Variants in ANXA8 observed in about 807,000 individuals in gnomAD.
The protein encoded by ANXA8 is annexin A8.
ANXA8 carries 9 observed loss-of-function variants against 26.8 expected under a neutral mutation model. That is an observed-to-expected ratio of 0.34 (90% CI 0.20 to 0.59). The LOEUF is 0.59. ANXA8 is among the 20% of genes least tolerant of loss of function. ANXA8 has a pLI of 0.84. For missense variants in ANXA8, 83 were observed against 238.5 expected, an observed-to-expected ratio of 0.35 and a Z score of 4.29; for synonymous variants, 39 against 94.8, an observed-to-expected ratio of 0.41 and a Z score of 3.42.
chr10:47,722,731 G>A, the ANXA8 span, among the ~76,000 whole-genome samples: 1 of 141,988 alleles, frequency 7.0e-6, no homozygotes, highest in Non-Finnish European at 1.6e-5. Flanking sequence ...GAAGTCATGT[G>A]GCATCACTTC....
the ANXA8 span, among the ~76,000 whole-genome samples, chr10:47,778,781 T>A: frequency 1.3e-5 from 2 of 151,912 alleles, no homozygotes; most frequent in East Asian, 3.8e-4. Flanking sequence ...GGGCAAGCAC[T>A]GTACAGCATA....
At chr10:47,948,757 G>A in the ANXA8 span, among the ~76,000 whole-genome samples, 2 of 150,948 alleles carry the variant, frequency 1.3e-5, no homozygotes, top group African/African-American at 4.9e-5. Flanking sequence ...ACCCATCCAT[G>A]ATGCTCAATA....
chr10:47,655,368 CCTT>C, the ANXA8 span, among the ~76,000 whole-genome samples: 1 of 151,286 alleles, frequency 6.6e-6, no homozygotes, highest in Non-Finnish European at 1.5e-5. Flanking sequence ...ATGATTTCCT[CCTT>C]CTCTCAGGGC....
At chr10:47,575,198 C>CAAAAAAA in the ANXA8 span, among the ~76,000 whole-genome samples, 13 of 107,278 alleles carry the variant, frequency 1.2e-4, no homozygotes, top group East Asian at 3.1e-4. Context: ...GAGTGAAACT[C>CAAAAAAA]AAAAAAAAAA....
chr10:47,722,918 C>T, the ANXA8 span, among the ~76,000 whole-genome samples: 328 of 141,202 alleles, frequency 2.3e-3, 12 homozygotes, highest in African/African-American at 8.0e-3. Context: ...TGAGAATGGT[C>T]GGAAAATAGT....
At chr10:47,768,056 G>C in the ANXA8 span, among the ~76,000 whole-genome samples, 6 of 149,928 alleles carry the variant, frequency 4.0e-5, no homozygotes, top group African/African-American at 1.5e-4. Context: ...TGACCACCAA[G>C]GCTGCCCCTC....
the ANXA8 span, among the ~76,000 whole-genome samples, chr10:47,743,265 C>T: frequency 0.21 from 18,022 of 83,834 alleles, 2,493 homozygotes; most frequent in East Asian, 0.54. Flanking sequence ...TATATATATA[C>T]ATATATATAT....
the ANXA8 span, among the ~76,000 whole-genome samples, chr10:47,633,237 AG>A: frequency 2.2e-5 from 3 of 134,146 alleles, no homozygotes; most frequent in Non-Finnish European, 4.7e-5. Context: ...CCAAACCATA[AG>A]GTGCTAATTC....
intron 6 of ANXA8, 127 bp downstream of exon 6, chr10:47,475,366 G>A: frequency 6.9e-6 from 11 of 1,604,922 alleles, no homozygotes; most frequent in African/African-American, 2.7e-5. Context: ...CACCCAATGA[G>A]CCCTGGCTGC....
the ANXA8 span, among the ~76,000 whole-genome samples, chr10:47,683,223 A>ATTTTTTTT: frequency 3.6e-5 from 4 of 110,626 alleles, no homozygotes; most frequent in Non-Finnish European, 3.6e-5. Flanking sequence ...GCATTTACTA[A>ATTTTTTTT]TTTTTTTTTT....
At chr10:47,604,227 A>G in the ANXA8 span, among the ~76,000 whole-genome samples, 1 of 152,236 alleles carries the variant, frequency 6.6e-6, no homozygotes, top group East Asian at 1.9e-4. Flanking sequence ...AGAGTATACC[A>G]TTCTTTTAAG....
chr10:47,477,312 G>C, intron 3 of ANXA8, 118 bp from the exon 4 acceptor site: 1 of 1,523,936 alleles, frequency 6.6e-7, no homozygotes, highest in South Asian at 1.1e-5. Context: ...GCCTTGCCAC[G>C]TGCTGGCTGG....
chr10:47,932,732 GTCTCTCTCTC>G, the ANXA8 span, among the ~76,000 whole-genome samples: 8 of 86,422 alleles, frequency 9.3e-5, 2 homozygotes, highest in African/African-American at 3.7e-4. Context: ...CTGTCTTTCT[GTCTCTCTCTC>G]TCTCTCTCTC....
the ANXA8 span, among the ~76,000 whole-genome samples, chr10:47,743,405 TGAGAGA>T: frequency 6.0e-5 from 5 of 83,532 alleles, no homozygotes; most frequent in Non-Finnish European, 8.9e-5. Context: ...TGTGTGTGTG[TGAGAGA>T]GAGAGAGAGA....
At chr10:47,946,730 T>G in the ANXA8 span, among the ~76,000 whole-genome samples, 2 of 151,310 alleles carry the variant, frequency 1.3e-5, no homozygotes, top group Non-Finnish European at 2.9e-5. Flanking sequence ...TCTCCCTTTT[T>G]CACCTAGGCT....
chr10:47,733,189 C>CTT, the ANXA8 span, among the ~76,000 whole-genome samples: 5 of 115,824 alleles, frequency 4.3e-5, no homozygotes, highest in Non-Finnish European at 6.0e-5. Flanking sequence ...TTCTTTCTTT[C>CTT]TTTCTTTCTT....
the ANXA8 span, among the ~76,000 whole-genome samples, chr10:47,714,410 T>C: frequency 1.5e-5 from 2 of 135,712 alleles, no homozygotes; most frequent in Non-Finnish European, 3.1e-5. Flanking sequence ...TGGCCTGAAG[T>C]GAGAAACTAA....
At chr10:47,549,316 C>G in the ANXA8 span, 1 of 1,473,734 alleles carries the variant, frequency 6.8e-7, no homozygotes, top group African/African-American at 1.4e-5. Flanking sequence ...AGATCTGCTA[C>G]TTTAGCCAGA....
At chr10:47,560,187 C>A in the ANXA8 span, among the ~76,000 whole-genome samples, 1 of 151,714 alleles carries the variant, frequency 6.6e-6, no homozygotes, top group African/African-American at 2.4e-5. Flanking sequence ...ATTAGGCTTG[C>A]CATTTGAATG....
Sources: allele counts gnomAD v4.1 joint callset (sites outside exome capture counted in the v4.1 genomes callset), GRCh38; gene constraint gnomAD v4.1.1; transcripts MANE v1.5; gene names NCBI Gene and HGNC (gene_info 2026-07-23, HGNC 2026-07-21).